The following NDUFAF2 variants were observed in gnomAD, a reference collection of about 807,000 sequenced individuals.
The protein encoded by NDUFAF2 is NADH:ubiquinone oxidoreductase complex assembly factor 2, also known as NADH dehydrogenase [ubiquinone] 1 alpha subcomplex assembly factor 2.
In NDUFAF2, 13 loss-of-function variants were observed where a neutral mutation model predicts 22.8. The observed-to-expected ratio is 0.57, with a 90% CI of 0.37 to 0.91. The LOEUF is 0.91. Among genes scored for constraint, NDUFAF2 ranks in the 40% least tolerant of loss-of-function variants. The pLI, the probability that NDUFAF2 is intolerant of heterozygous loss-of-function variation, is 0.01. For synonymous variants in NDUFAF2, 53 were observed against 64.2 expected (o/e 0.83, Z 0.84); for missense variants, 162 against 195.2 (o/e 0.83, Z 1.01).
chr5:61,021,309 T>C (rs1370608401), intron 1 of NDUFAF2, among the ~76,000 whole-genome samples: 1 of 150,902 alleles, frequency 6.6e-6, no homozygotes, highest in African/African-American at 2.4e-5. Context: ...AGAGCCTACC[T>C]GCATTCCTTG....
intron 3 of NDUFAF2, among the ~76,000 whole-genome samples, chr5:61,107,369 G>T (rs1265742334): frequency 6.6e-6 from 1 of 151,190 alleles, no homozygotes; most frequent in Non-Finnish European, 1.5e-5. Flanking sequence ...ATACCTGTTT[G>T]CCATTTGCAT....
At chr5:61,037,847 A>G (rs1166668753) in intron 1 of NDUFAF2, among the ~76,000 whole-genome samples, 1 of 151,978 alleles carries the variant, frequency 6.6e-6, no homozygotes, top group Non-Finnish European at 1.5e-5. Context: ...TTTTTAGGGT[A>G]TTATTCTGAC....
intron 3 of NDUFAF2, among the ~76,000 whole-genome samples, chr5:61,150,020 C>G (rs1741206843): frequency 6.6e-6 from 1 of 152,146 alleles, no homozygotes; most frequent in South Asian, 2.1e-4. Context: ...ACCTCCACCT[C>G]CCAGGTTCAA....
At chr5:61,077,532 A>T (rs1752384764) in intron 2 of NDUFAF2, among the ~76,000 whole-genome samples, 1 of 152,214 alleles carries the variant, frequency 6.6e-6, no homozygotes, top group African/African-American at 2.4e-5. Context: ...GAGAATAGAC[A>T]GTGTTTATGA....
At chr5:61,106,113 C>G (rs542557769) in intron 3 of NDUFAF2, among the ~76,000 whole-genome samples, 1 of 151,400 alleles carries the variant, frequency 6.6e-6, no homozygotes, top group Non-Finnish European at 1.5e-5. Context: ...GTTGGAAAAT[C>G]ACCACTATTC....
chr5:61,062,760 A>G (rs1580118366), intron 1 of NDUFAF2, among the ~76,000 whole-genome samples: 1 of 152,160 alleles, frequency 6.6e-6, no homozygotes, highest in Admixed American at 6.6e-5. Flanking sequence ...GCACATTATA[A>G]TCAAACTATC....
intron 1 of NDUFAF2, among the ~76,000 whole-genome samples, chr5:61,020,208 G>T (rs1228208754): frequency 1.3e-5 from 2 of 151,994 alleles, no homozygotes; most frequent in Admixed American, 1.3e-4. Flanking sequence ...TATTTTCAAA[G>T]AACTAGCTTT....
At position 61,050,993 on chromosome 5, in the gene NDUFAF2, A is replaced by G. The variant is rs534222722; in HGVS notation, c.128-22132A>G. 6.6e-5 allele frequency among the ~76,000 whole-genome samples: 10 copies of G among 152,284 alleles called. No individual in the cohort carries two copies. In the East Asian group the frequency reaches 1.7e-3, roughly 26 times the overall value. On this transcript the variant is annotated intron_variant, in intron 1 of 3. Coordinates refer to ENST00000296597, the MANE Select transcript of NDUFAF2 (RefSeq NM_174889.5). ...TCAGACTGAGAATATTTGCTTTTCAAAGGAATTGGCTTCATTTATCTAAAA... is the reference window on the plus strand; with the variant it reads ...TCAGACTGAGAATATTTGCTTTTCAGAGGAATTGGCTTCATTTATCTAAAA...
chr5:61,020,937 G>T (rs1023599079), intron 1 of NDUFAF2, among the ~76,000 whole-genome samples: 1 of 150,082 alleles, frequency 6.7e-6, no homozygotes, highest in Non-Finnish European at 1.5e-5. Flanking sequence ...CTCGTGATCC[G>T]CCTGCCTCGG....
intron 1 of NDUFAF2, among the ~76,000 whole-genome samples, chr5:60,976,174 A>G (rs1750899562): frequency 6.6e-6 from 1 of 150,766 alleles, no homozygotes; most frequent in Non-Finnish European, 1.5e-5. Context: ...AGTTTCAAAA[A>G]TAATAAAGAA....
chr5:61,055,979 C>T (rs1361502794), intron 1 of NDUFAF2, among the ~76,000 whole-genome samples: 2 of 152,092 alleles, frequency 1.3e-5, no homozygotes, highest in African/African-American at 4.8e-5. Flanking sequence ...TATAATTCTG[C>T]TCATCTAAAT....
intron 1 of NDUFAF2, among the ~76,000 whole-genome samples, chr5:61,054,022 G>C (rs1752057721): frequency 6.6e-6 from 1 of 152,110 alleles, no homozygotes; most frequent in East Asian, 1.9e-4. Flanking sequence ...GCAACATCAC[G>C]AGACCCCATC....
intron 3 of NDUFAF2, among the ~76,000 whole-genome samples, chr5:61,152,049 AGATAG>A (rs1343707823): frequency 4.6e-5 from 7 of 152,210 alleles, no homozygotes; most frequent in Admixed American, 4.6e-4. Context: ...AGATCCTCCT[AGATAG>A]AATTCTGAGG....
chr5:61,043,754 A>G (rs1158960428), intron 1 of NDUFAF2, among the ~76,000 whole-genome samples: 2 of 151,788 alleles, frequency 1.3e-5, no homozygotes, highest in Non-Finnish European at 2.9e-5. Context: ...TCTTTATTCA[A>G]CATCCATTGA....
intron 1 of NDUFAF2, among the ~76,000 whole-genome samples, chr5:61,048,918 G>A (rs1039904447): frequency 2.0e-5 from 3 of 152,058 alleles, no homozygotes; most frequent in Admixed American, 1.3e-4. Context: ...ACAATGGGGC[G>A]CACTTTTTCA....
intron 3 of NDUFAF2, chr5:61,146,384 C>G (rs1741138121): frequency 6.6e-6 from 1 of 152,138 alleles, no homozygotes; most frequent in African/African-American, 2.4e-5. Flanking sequence ...ATTTCCAGTG[C>G]TATTTATTCT....
At chr5:61,009,419 T>G (rs1751415170) in intron 1 of NDUFAF2, among the ~76,000 whole-genome samples, 1 of 152,080 alleles carries the variant, frequency 6.6e-6, no homozygotes, top group African/African-American at 2.4e-5. Flanking sequence ...ACCCCCTCCC[T>G]CAAGAGCATC....
Position 61,016,586 on chromosome 5 carries a change from G to A in NDUFAF2, c.128-56539G>A, listed in dbSNP as rs1054907989. On this transcript the variant is annotated intron_variant, in intron 1 of 3. Transcript: ENST00000296597. Reference sequence around the variant, plus strand: ...TTGCCTTCTACCACACTAATATATTGTCTTGACAGAGTATATTTCTTAAGG... The same window carrying A: ...TTGCCTTCTACCACACTAATATATTATCTTGACAGAGTATATTTCTTAAGG... 2.0e-5 allele frequency among the ~76,000 whole-genome samples: 3 copies of A among 152,084 alleles called. No homozygotes were observed. In the South Asian group the frequency reaches 6.2e-4, roughly 31 times the overall value.
At chr5:61,097,650 G>A (rs1474015478) in intron 2 of NDUFAF2, among the ~76,000 whole-genome samples, 1 of 152,166 alleles carries the variant, frequency 6.6e-6, no homozygotes, top group Admixed American at 6.5e-5. Flanking sequence ...TATGGCATTA[G>A]GAAAGTTTCT....
Sources: allele counts gnomAD v4.1 joint callset (sites outside exome capture counted in the v4.1 genomes callset), GRCh38; gene constraint gnomAD v4.1.1; transcripts MANE v1.5; gene names NCBI Gene and HGNC (gene_info 2026-07-23, HGNC 2026-07-21).